The following PTBP2 variants were observed in gnomAD, a reference collection of about 807,000 sequenced individuals.
PTBP2 encodes the protein polypyrimidine tract-binding protein 2.
In PTBP2, 13 loss-of-function variants were observed where a neutral mutation model predicts 61.4. That is an observed-to-expected ratio of 0.21 (90% CI 0.14 to 0.34). PTBP2 has a LOEUF of 0.34. Ranked by LOEUF, PTBP2 falls within the 10% of genes least tolerant of loss-of-function variation. The pLI is 1.00. For synonymous variants in PTBP2, 215 were observed against 218.5 expected (o/e 0.98, Z 0.14); for missense variants, 405 against 642.6 (o/e 0.63, Z 4.00).
chr1:96,804,054 G>A (rs192363692), intron 8 of PTBP2, among the ~76,000 whole-genome samples: 18 of 152,222 alleles, frequency 1.2e-4, no homozygotes, highest in Admixed American at 9.8e-4. Context: ...TAGTAGGACA[G>A]CAATAAGACT....
At position 96,770,898 on chromosome 1, in the gene PTBP2, G is replaced by A. The variant is rs772660424; in HGVS notation, c.432+47G>A. 7 of 1,452,042 alleles carry A rather than the reference G, an allele frequency of 4.8e-6. No homozygotes were observed. The African/African-American group carries it at 8.4e-5, about 17-fold the overall frequency. The allele number at this position is 1,452,042 out of a possible 1,614,324, so 89.9% of individuals were successfully genotyped here. ...AATAAAATGGCCTAGAACATATTAT[G>A]AATCTCATAAACATTAATAGGAAGG... On this transcript the variant is annotated intron_variant, in intron 5 of 13. Transcript: ENST00000674951.
intron 3 of PTBP2, among the ~76,000 whole-genome samples, chr1:96,756,039 C>T (rs1052246795): frequency 6.6e-6 from 1 of 152,210 alleles, no homozygotes; most frequent in African/African-American, 2.4e-5. Flanking sequence ...AACAGGAACT[C>T]TCACTTACTG....
At chr1:96,770,681 T>TA in intron 4 of PTBP2, 27 bp from the exon 5 acceptor site, 1 of 1,582,196 alleles carries the variant, frequency 6.3e-7, no homozygotes, top group Non-Finnish European at 8.7e-7. Context: ...TTTATAGTAT[T>TA]AAAAATTGTG....
At chr1:96,755,230 A>C (rs188778159) in intron 3 of PTBP2, among the ~76,000 whole-genome samples, 1 of 152,328 alleles carries the variant, frequency 6.6e-6, no homozygotes, top group Non-Finnish European at 1.5e-5. Context: ...ATGGTAAGTA[A>C]GCACGTGAAA....
intron 7 of PTBP2, among the ~76,000 whole-genome samples, chr1:96,781,204 AT>A (rs1406434318): frequency 8.6e-5 from 13 of 151,962 alleles, no homozygotes; most frequent in African/African-American, 3.1e-4. Context: ...TGTAGTAATA[AT>A]TCTCTTTCAT....
At chr1:96,739,801 A>ATT (rs1334961325) in intron 2 of PTBP2, among the ~76,000 whole-genome samples, 9 of 150,440 alleles carry the variant, frequency 6.0e-5, no homozygotes, top group African/African-American at 9.8e-5. Flanking sequence ...ATATATATAT[A>ATT]TTTTTTAGTA....
intron 5 of PTBP2, among the ~76,000 whole-genome samples, chr1:96,774,136 A>G (rs946421500): frequency 9.4e-5 from 14 of 148,648 alleles, no homozygotes; most frequent in African/African-American, 2.9e-4. Context: ...AAAAAAAAGG[A>G]AGAAATTCTG....
chr1:96,732,749 G>A (rs1302278128), intron 2 of PTBP2, among the ~76,000 whole-genome samples: 1 of 152,208 alleles, frequency 6.6e-6, no homozygotes, highest in Non-Finnish European at 1.5e-5. Flanking sequence ...AGGAGAAAGA[G>A]TGGAGAGCAA....
At chr1:96,735,104 G>T (rs775029714) in intron 2 of PTBP2, among the ~76,000 whole-genome samples, 7 of 151,786 alleles carry the variant, frequency 4.6e-5, no homozygotes, top group Non-Finnish European at 7.4e-5. Flanking sequence ...TTTTAGTAGG[G>T]ATGGGGTTTC....
intron 3 of PTBP2, among the ~76,000 whole-genome samples, chr1:96,757,027 G>C (rs1379010558): frequency 2.0e-5 from 3 of 152,140 alleles, no homozygotes; most frequent in Non-Finnish European, 2.9e-5. Flanking sequence ...GGGGCAGGAG[G>C]CAGGGAAATC....
Position 96,788,962 on chromosome 1 carries a change from TATTA to T in PTBP2, c.904+3709_904+3712del, listed in dbSNP as rs958169790. Reference sequence around the variant, plus strand: ...ATACATAATCACAAATGTGGCCGACTATTAGTCATTCACATATTCTGTTTCAAAG... The same window carrying T: ...ATACATAATCACAAATGTGGCCGACTGTCATTCACATATTCTGTTTCAAAG... On this transcript the variant is annotated intron_variant, in intron 8 of 13. Transcript: ENST00000674951. 6.6e-5 allele frequency among the ~76,000 whole-genome samples: 10 copies of T among 152,190 alleles called. No individual in the cohort carries two copies. The East Asian group carries it at 1.3e-3, about 21-fold the overall frequency.
chr1:96,819,055 CAG>C (rs1003091677), downstream of PTBP2: 2 of 151,908 alleles, frequency 1.3e-5, no homozygotes, highest in East Asian at 1.9e-4. Flanking sequence ...TTTAGTCTGA[CAG>C]GGAAGGAATG....
At chr1:96,766,039 T>G (rs1373908004) in intron 3 of PTBP2, among the ~76,000 whole-genome samples, 1 of 152,036 alleles carries the variant, frequency 6.6e-6, no homozygotes, top group East Asian at 1.9e-4. Flanking sequence ...TATGTAAAAA[T>G]TGCAGGTAAA....
At chr1:96,726,296 C>G (rs372707620) in intron 2 of PTBP2, among the ~76,000 whole-genome samples, 1 of 127,346 alleles carries the variant, frequency 7.9e-6, no homozygotes, top group South Asian at 2.5e-4. Flanking sequence ...TTTTTTGAGT[C>G]GGAGTCTCCC....
At chr1:96,817,291 GAA>G (rs1662523465), downstream of PTBP2, 1 of 152,012 alleles carries the variant, frequency 6.6e-6, no homozygotes, top group Non-Finnish European at 1.5e-5. Context: ...GCCTAAATCT[GAA>G]AACGTTTTTT....
chr1:96,748,159 C>T (rs1019598031), intron 2 of PTBP2, among the ~76,000 whole-genome samples: 3 of 152,044 alleles, frequency 2.0e-5, no homozygotes, highest in African/African-American at 7.3e-5. Context: ...GTCATGGTTC[C>T]CTAGGCTGCC....
At chr1:96,804,750 T>A in intron 8 of PTBP2, 50 bp from the exon 9 acceptor site, 3 of 1,546,204 alleles carry the variant, frequency 1.9e-6, no homozygotes, top group Non-Finnish European at 2.6e-6. Flanking sequence ...ACGACTTGTG[T>A]GTGTTTCGTA....
At chr1:96,739,459 C>G (rs1342380401) in intron 2 of PTBP2, among the ~76,000 whole-genome samples, 2 of 152,024 alleles carry the variant, frequency 1.3e-5, no homozygotes, top group Non-Finnish European at 2.9e-5. Flanking sequence ...TTAAAACTCC[C>G]TCTTTTGTCC....
intron 2 of PTBP2, chr1:96,749,645 G>T (rs1419584269): frequency 2.2e-6 from 1 of 455,626 alleles, no homozygotes; most frequent in Non-Finnish European, 4.4e-6. Context: ...CAGTTTTTTT[G>T]GTCTGAGAAC....
Sources: allele counts gnomAD v4.1 joint callset (sites outside exome capture counted in the v4.1 genomes callset), GRCh38; gene constraint gnomAD v4.1.1; transcripts MANE v1.5; gene names NCBI Gene and HGNC (gene_info 2026-07-23, HGNC 2026-07-21).